Variants in HECTD4 observed in about 807,000 individuals in gnomAD.
The protein encoded by HECTD4 is HECT domain E3 ubiquitin protein ligase 4.
In HECTD4, 114 loss-of-function variants were observed where a neutral mutation model predicts 471.5. That is an observed-to-expected ratio of 0.24 (90% CI 0.21 to 0.28). The LOEUF (loss-of-function observed/expected upper bound fraction) is 0.28. HECTD4 is among the 10% of genes least tolerant of loss of function. HECTD4 has a pLI of 1.00. For synonymous variants in HECTD4, 2,012 were observed against 2,256.0 expected (o/e 0.89, Z 3.07); for missense variants, 3,866 against 5,651.5 (o/e 0.68, Z 10.13).
chr12:112,306,306 T>G, intron 6 of HECTD4, 72 bp from the exon 7 acceptor site: 12 of 1,203,482 alleles, frequency 1.0e-5, no homozygotes, highest in Non-Finnish European at 1.3e-5. Flanking sequence ...AGCTCATCAT[T>G]AATGCCATTA....
At chr12:112,167,750 C>T in intron 71 of HECTD4, 64 bp downstream of exon 71, 2 of 1,417,140 alleles carry the variant, frequency 1.4e-6, no homozygotes, top group South Asian at 2.3e-5. Context: ...CACTGCCCGC[C>T]ACCCCAGCCA....
At chr12:112,164,588 C>A (rs762645048) in intron 72 of HECTD4, among the ~76,000 whole-genome samples, 1 of 151,762 alleles carries the variant, frequency 6.6e-6, no homozygotes. Flanking sequence ...TCTGCCCGTG[C>A]GCTGGGAGAG....
At chr12:112,274,705 C>CAAACAAAACAAAACA (rs200991188) in intron 10 of HECTD4, 142 bp downstream of exon 10, 13 of 620,722 alleles carry the variant, frequency 2.1e-5, no homozygotes, top group African/African-American at 1.5e-4. Flanking sequence ...GACCCTGTCT[C>CAAACAAAACAAAACA]AAACAAAACA....
intron 1 of HECTD4, among the ~76,000 whole-genome samples, chr12:112,334,859 G>A (rs546557777): frequency 8.5e-4 from 127 of 149,476 alleles, no homozygotes; most frequent in African/African-American, 1.7e-3. Flanking sequence ...AATAATACAC[G>A]TTGGCATGGA....
intron 1 of HECTD4, among the ~76,000 whole-genome samples, chr12:112,320,323 G>A (rs1035174911): frequency 1.3e-5 from 2 of 151,944 alleles, no homozygotes; most frequent in African/African-American, 4.8e-5. Context: ...GACAGAGCGA[G>A]ACCCTGTCTC....
chr12:112,373,474 A>G (rs2036722248), intron 1 of HECTD4, among the ~76,000 whole-genome samples: 1 of 152,126 alleles, frequency 6.6e-6, no homozygotes, highest in East Asian at 1.9e-4. Flanking sequence ...GTGAGCCGAG[A>G]TCACGCCACT....
intron 44 of HECTD4, among the ~76,000 whole-genome samples, chr12:112,221,896 AG>A (rs1273033950): frequency 6.7e-6 from 1 of 149,880 alleles, no homozygotes; most frequent in Non-Finnish European, 1.5e-5. Flanking sequence ...CTGGGATTAC[AG>A]GCACTCGCCC....
intron 2 of HECTD4, among the ~76,000 whole-genome samples, chr12:112,314,834 G>C (rs997119595): frequency 1.4e-4 from 21 of 152,114 alleles, no homozygotes; most frequent in Non-Finnish European, 4.4e-5. Flanking sequence ...CATAAGGCTC[G>C]AGCACAAAGA....
chr12:112,258,766 T>C lies in HECTD4; in HGVS notation c.3028-170A>G, dbSNP rs972740577. On this transcript the variant is annotated intron_variant, in intron 19 of 75. Transcript: ENST00000682272. ...GACCACTTAACATTATTTTACTTAA[T>C]GCTGTAATGGAATGCATCATTTATA... is the stretch of plus-strand genomic sequence containing the variant. 2.2e-5 allele frequency: 13 copies of C among 584,672 alleles called. No homozygotes were observed. The Admixed American group carries it at 2.6e-4, about 12-fold the overall frequency. 36.2% of individuals were successfully genotyped at this position (584,672 alleles called of 1,614,324 possible).
chr12:112,242,292 A>G (rs2033658557), intron 32 of HECTD4, among the ~76,000 whole-genome samples: 1 of 152,220 alleles, frequency 6.6e-6, no homozygotes, highest in Non-Finnish European at 1.5e-5. Flanking sequence ...AAGGTCATCT[A>G]TATAATGTAT....
Position 112,162,646 on chromosome 12 carries a change from C to T in HECTD4, c.13121-123G>A, listed in dbSNP as rs2030733879. The T allele has an allele frequency of 1.7e-6, 2 of 1,177,928 alleles. No individual in the cohort carries two copies. Among genetic ancestry groups the T allele is most frequent in the African/African-American group, 1.5e-5 (1 of 65,196 alleles). 73.0% of individuals were successfully genotyped at this position (1,177,928 alleles called of 1,614,324 possible). A position where few individuals can be genotyped will look rare whatever the true frequency, so the allele number is the denominator to read the frequency against. Reference sequence around the variant, plus strand: ...GTAGCCCCAAGCCAATCCTGGGGCCCAGCAGGAGGGGGATGAGGGCCTGGG... The same window carrying T: ...GTAGCCCCAAGCCAATCCTGGGGCCTAGCAGGAGGGGGATGAGGGCCTGGG... On this transcript the variant is annotated intron_variant, in intron 75 of 75. Transcript: ENST00000682272. This position sits in a 1 kb window ranked among gnomAD's most constrained non-coding sequence, Gnocchi z 5.2.
Position 112,319,824 on chromosome 12 carries a change from C to T in HECTD4, c.178-82G>A, listed in dbSNP as rs1459584936. On this transcript the variant is annotated intron_variant, in intron 1 of 75. Coordinates refer to ENST00000682272, the MANE Select transcript of HECTD4 (RefSeq NM_001388303.1). The surrounding 1 kb of genome is among the most constrained non-coding windows in gnomAD (Gnocchi z 5.3). ...AGGAAGAAAATATGTTTAATGATAT[C>T]CCAAAATAGTCAACGCCAAAAATTA... 9.5e-7 allele frequency: 1 copy of T among 1,047,606 alleles called. No individual in the cohort carries two copies. The highest frequency in any genetic ancestry group is 1.2e-6 in the Non-Finnish European group (1 of 819,002). The allele number at this position is 1,047,606 out of a possible 1,614,324, so 64.9% of individuals were successfully genotyped here.
At chr12:112,171,483 G>C (rs571833441) in intron 67 of HECTD4, 1 of 649,738 alleles carries the variant, frequency 1.5e-6, no homozygotes, top group East Asian at 2.8e-5. Flanking sequence ...GGAGGTGCTG[G>C]CTCTTAAGGA....
At chr12:112,360,017 A>G (rs1476517711) in intron 1 of HECTD4, among the ~76,000 whole-genome samples, 1 of 152,236 alleles carries the variant, frequency 6.6e-6, no homozygotes, top group Non-Finnish European at 1.5e-5. Context: ...TGCAACAGAG[A>G]TATCTTCTGG....
chr12:112,305,384 C>T (rs2035251774), intron 7 of HECTD4, among the ~76,000 whole-genome samples: 2 of 152,160 alleles, frequency 1.3e-5, no homozygotes, highest in African/African-American at 4.8e-5. Context: ...CCTCCTGCCA[C>T]AGACACTTTG....
chr12:112,312,222 T>C (rs1167933440), intron 4 of HECTD4, among the ~76,000 whole-genome samples: 2 of 152,244 alleles, frequency 1.3e-5, no homozygotes, highest in African/African-American at 2.4e-5. Context: ...AACTATTTCC[T>C]GGGTTTTTTT....
Position 112,164,173 on chromosome 12 carries a change from T to C in HECTD4, c.12637A>G (p.Thr4213Ala). Residue 4213 changes from threonine to alanine, a missense_variant, in exon 73 of 76, where the codon ACC becomes GCC. Coordinates refer to ENST00000682272, the MANE Select transcript of HECTD4 (RefSeq NM_001388303.1). ...TCCTCGCCCGTCATGGTCAGGTAGG[T>C]GAACCTGCAGCAGGGCTTGTTGGGG... ...DSPNKPCCRF[T>A]YLTMTGEEVE... 6.2e-7 allele frequency: 1 copy of C among 1,613,550 alleles called. No individual in the cohort carries two copies. Among genetic ancestry groups the C allele is most frequent in the Non-Finnish European group, 8.5e-7 (1 of 1,179,814 alleles).
In HECTD4 at chr12:112,194,987, G is replaced by A. The variant is rs765721615; in HGVS notation, c.8647C>T (p.Pro2883Ser). ...ALLNIFAPKL[P>S]HLFTRLFHIP... ...TGGAAGAGGCGAGTGAACAAGTGAG[G>A]CAACTTCGGGGCGAAGATATTGAGC... The change falls in exon 56 of 76, where the codon CCT (proline) becomes TCT (serine). Residue 2883 changes from proline to serine, a missense_variant. Around this residue, in one of 16 missense-constraint regions of HECTD4, gnomAD observed 266 missense variants for 441.6 expected, o/e 0.60. Coordinates refer to ENST00000682272, the MANE Select transcript of HECTD4 (RefSeq NM_001388303.1). The surrounding 1 kb of genome is among the most constrained non-coding windows in gnomAD (Gnocchi z 4.6). 1.9e-6 allele frequency: 3 copies of A among 1,611,502 alleles called. No homozygotes were observed. In the Admixed American group the frequency reaches 5.0e-5, roughly 27 times the overall value.
In HECTD4 at chr12:112,162,681, G is replaced by A; in HGVS notation, c.13121-158C>T. The A allele has an allele frequency of 1.3e-6, 1 of 799,148 alleles. No individual in the cohort carries two copies. Among genetic ancestry groups the A allele is most frequent in the Non-Finnish European group, 2.0e-6 (1 of 507,182 alleles). 49.5% of individuals were successfully genotyped at this position (799,148 alleles called of 1,614,324 possible). On this transcript the variant is annotated intron_variant, in intron 75 of 75. Coordinates refer to ENST00000682272, the MANE Select transcript of HECTD4 (RefSeq NM_001388303.1). The surrounding 1 kb of genome is among the most constrained non-coding windows in gnomAD (Gnocchi z 5.2). Reference sequence around the variant, plus strand: ...GGGATGAGGGCCTGGGAACCTGCGAGATGTTCTTGGAGGGAAAAGGGGAGA... The same window carrying A: ...GGGATGAGGGCCTGGGAACCTGCGAAATGTTCTTGGAGGGAAAAGGGGAGA...
Sources: allele counts gnomAD v4.1 joint callset (sites outside exome capture counted in the v4.1 genomes callset), GRCh38; gene constraint gnomAD v4.1.1; regional missense constraint gnomAD v4.1.1; non-coding constraint Gnocchi (gnomAD v3.1); transcripts MANE v1.5; gene names NCBI Gene and HGNC (gene_info 2026-07-23, HGNC 2026-07-21).